The following FBRS variants were observed in gnomAD, a reference collection of about 807,000 sequenced individuals.
The protein encoded by FBRS is fibrosin.
Under a neutral mutation model 86.1 loss-of-function variants are expected in FBRS, and 15 were observed. That is an observed-to-expected ratio of 0.17 (90% CI 0.12 to 0.27). The LOEUF is 0.27. Ranked by LOEUF, FBRS falls within the 10% of genes least tolerant of loss-of-function variation. The pLI is 1.00. For synonymous variants in FBRS, 666 were observed against 575.8 expected (o/e 1.16, Z -2.24); for missense variants, 1,367 against 1,301.6 (o/e 1.05, Z -0.77).
intron 12 of FBRS, among the ~76,000 whole-genome samples, 153 bp downstream of exon 12, chr16:30,666,694 G>C (rs373674663): frequency 2.0e-5 from 3 of 152,332 alleles, no homozygotes; most frequent in Admixed American, 6.5e-5. Flanking sequence ...TCAAGTTGCA[G>C]ACCTGGGCTC....
chr16:30,667,110 C>A, intron 13 of FBRS, 120 bp downstream of exon 13: 1 of 1,094,718 alleles, frequency 9.1e-7, no homozygotes, highest in Non-Finnish European at 1.4e-6. Context: ...CTCCTGTCCC[C>A]CATCACTGCT....
At chr16:30,660,927 G>A (rs576672463) in intron 2 of FBRS, among the ~76,000 whole-genome samples, 2 of 152,340 alleles carry the variant, frequency 1.3e-5, no homozygotes, top group South Asian at 4.1e-4. Context: ...AGGTCCTGAA[G>A]TATAGTCAGA....
chr16:30,658,744 G>A lies in FBRS; in HGVS notation c.-775G>A, dbSNP rs1567542127. On this transcript the variant is annotated 5_prime_UTR_variant, in exon 1 of 18. Coordinates refer to ENST00000356166, the MANE Select transcript of FBRS (RefSeq NM_001105079.3). ...TGGCGACCGGAGGCGGAGGCTGGAG[G>A]AGCTGGGCCCGGAGGAGGCCCCTTT... The A allele has an allele frequency of 6.6e-6, 1 of 152,272 alleles. No homozygotes were observed. Among genetic ancestry groups the A allele is most frequent in the Non-Finnish European group, 1.5e-5 (1 of 68,064 alleles). 9.4% of individuals were successfully genotyped at this position (152,272 alleles called of 1,614,324 possible).
intron 2 of FBRS, chr16:30,660,691 T>C (rs2052449482): frequency 8.8e-6 from 5 of 571,232 alleles, no homozygotes; most frequent in Middle Eastern, 1.0e-3. Context: ...CAAAGGAATA[T>C]AGTTGGGTCG....
rs527915757 is a variant in FBRS, at chr16:30,665,647, C to T, written c.1714C>T (p.Pro572Ser). Residue 572 changes from proline to serine, a missense_variant, in exon 11 of 18, where the codon CCT (proline) becomes TCT (serine). Physicochemically the swap from Pro to Ser is moderately conservative, Grantham distance 74. Around this residue, in one of 3 missense-constraint regions of FBRS, gnomAD observed 659 missense variants for 678.8 expected, o/e 0.97. Coordinates refer to ENST00000356166, the MANE Select transcript of FBRS (RefSeq NM_001105079.3). This position sits in a 1 kb window ranked among gnomAD's most constrained non-coding sequence, Gnocchi z 4.1. ...CACTCCCCTTTCCCAGAGCACGAAC[C>T]CTGAGCTGCCACCACGACTGGGGCC... ...QGAFQPKSTN[P>S]ELPPRLGPVP... 8 of 1,589,194 alleles carry T rather than the reference C, an allele frequency of 5.0e-6. No homozygotes were observed. In the Admixed American group the frequency reaches 1.2e-4, roughly 25 times the overall value.
chr16:30,668,947 G>C lies in FBRS; in HGVS notation c.2334G>C (p.Arg778Ser), dbSNP rs1246396740. The C allele has an allele frequency of 6.3e-7, 1 of 1,587,466 alleles. No homozygotes were observed. The highest frequency in any genetic ancestry group is 2.3e-5 in the East Asian group (1 of 43,800). Reference sequence around the variant, plus strand: ...ACAAGGAGCGGCCTGTGGAGCGGAGGGAGCCCTCCATCACCAAGGAGGAGA... The same window carrying C: ...ACAAGGAGCGGCCTGTGGAGCGGAGCGAGCCCTCCATCACCAAGGAGGAGA... The part of the protein sequence containing the change: ...GSDKERPVER[R>S]EPSITKEEKD... Residue 778 changes from arginine to serine, a missense_variant, in exon 17 of 18, where the codon AGG becomes AGC. Around this residue, in one of 3 missense-constraint regions of FBRS, gnomAD observed 659 missense variants for 678.8 expected, o/e 0.97. Transcript: ENST00000356166.
chr16:30,659,008 C>T lies in FBRS; in HGVS notation c.-511C>T, dbSNP rs1048049703. The T allele has an allele frequency of 6.6e-6, 1 of 152,250 alleles. No homozygotes were observed. The highest frequency in any genetic ancestry group is 1.5e-5 in the Non-Finnish European group (1 of 68,066). 9.4% of individuals were successfully genotyped at this position (152,250 alleles called of 1,614,324 possible). The stretch of plus-strand genomic sequence containing the variant: ...AACTCCGAGCCCTTAAAGGGACGGC[C>T]TGCTGTTAGAAGGACCCTGGACTCC... On this transcript the variant is annotated 5_prime_UTR_variant, in exon 1 of 18. Coordinates refer to ENST00000356166, the MANE Select transcript of FBRS (RefSeq NM_001105079.3).
In FBRS at chr16:30,665,289, C is replaced by A; in HGVS notation, c.1609-17C>A. 6.4e-7 allele frequency: 1 copy of A among 1,555,778 alleles called. No individual in the cohort carries two copies. The highest frequency in any genetic ancestry group is 8.7e-7 in the Non-Finnish European group (1 of 1,149,766). On this transcript the variant is annotated splice_polypyrimidine_tract_variant and intron_variant, in intron 9 of 17. Transcript: ENST00000356166. This position sits in a 1 kb window ranked among gnomAD's most constrained non-coding sequence, Gnocchi z 4.1. ...CGCCTCCACCCCCACCTGTACTAGTCCCCCTTCTCTCCACAGCCGTACACG... is the reference window on the plus strand; with the variant it reads ...CGCCTCCACCCCCACCTGTACTAGTACCCCTTCTCTCCACAGCCGTACACG...
At position 30,669,846 on chromosome 16, in the gene FBRS, G is replaced by A; in HGVS notation, c.*201G>A. The A allele has an allele frequency of 1.4e-6, 1 of 697,562 alleles. No individual in the cohort carries two copies. Among genetic ancestry groups the A allele is most frequent in the Non-Finnish European group, 2.3e-6 (1 of 427,260 alleles). 43.2% of individuals were successfully genotyped at this position (697,562 alleles called of 1,614,324 possible). On this transcript the variant is annotated 3_prime_UTR_variant, in exon 18 of 18. Coordinates refer to ENST00000356166, the MANE Select transcript of FBRS (RefSeq NM_001105079.3). This position sits in a 1 kb window ranked among gnomAD's most constrained non-coding sequence, Gnocchi z 5.9. ...AGTGTAGGGTCACTGGGAGAGCAGA[G>A]GTCACAGCCTCTAGAGAAGGGAGAG...
At position 30,660,329 on chromosome 16, in the gene FBRS, A is replaced by AG. The variant is rs1567543426; in HGVS notation, c.533dup (p.Ser179LeufsTer13). On this transcript the variant is annotated frameshift_variant, in exon 2 of 18. Coordinates refer to ENST00000356166, the MANE Select transcript of FBRS (RefSeq NM_001105079.3). LOFTEE classifies it high-confidence loss of function. ...GCTGAAGCATTCTGGGAAGCGGAAAAGGGGGGGCTCCAGTGGGGCCACCGG... is the reference window on the plus strand; with the variant it reads ...GCTGAAGCATTCTGGGAAGCGGAAAAGGGGGGGGCTCCAGTGGGGCCACCGG... 1.4e-5 allele frequency: 18 copies of AG among 1,301,146 alleles called. No homozygotes were observed. In the South Asian group the frequency reaches 2.0e-4, roughly 14 times the overall value. 80.6% of individuals were successfully genotyped at this position (1,301,146 alleles called of 1,614,324 possible).
Sources: allele counts gnomAD v4.1 joint callset (sites outside exome capture counted in the v4.1 genomes callset), GRCh38; gene constraint gnomAD v4.1.1; regional missense constraint gnomAD v4.1.1; non-coding constraint Gnocchi (gnomAD v3.1); transcripts MANE v1.5; gene names NCBI Gene and HGNC (gene_info 2026-07-23, HGNC 2026-07-21).